Variants in CNTNAP2 observed in about 807,000 individuals in gnomAD.
The protein encoded by CNTNAP2 is contactin associated protein 2.
A neutral mutation model predicts 155.2 loss-of-function variants in CNTNAP2; 98 were observed. The ratio of observed to expected loss-of-function variants is 0.63; its 90% confidence interval spans 0.54 to 0.75. The LOEUF (loss-of-function observed/expected upper bound fraction) is 0.75, where lower values mean the gene tolerates loss of function less well. CNTNAP2 is among the 30% of genes least tolerant of loss of function. The probability of loss-of-function intolerance (pLI) is 0.00; values close to 1 mark genes in which losing one functional copy is unlikely to be tolerated. For missense variants in CNTNAP2, 1,727 were observed against 1,688.1 expected (o/e 1.02, Z -0.40); for synonymous variants, 651 against 631.2 (o/e 1.03, Z -0.47).
At chr7:146,180,711 A>T (rs1798537525) in intron 1 of CNTNAP2, among the ~76,000 whole-genome samples, 1 of 152,152 alleles carries the variant, frequency 6.6e-6, no homozygotes, top group Admixed American at 6.6e-5. Flanking sequence ...ATACTAAATT[A>T]TTTAGGTTCA....
At chr7:147,103,034 T>G (rs140723242) in intron 4 of CNTNAP2, among the ~76,000 whole-genome samples, 7 of 152,336 alleles carry the variant, frequency 4.6e-5, no homozygotes, top group African/African-American at 1.7e-4. Context: ...TTCTTGAAAT[T>G]TCTTCCAATC....
intron 12 of CNTNAP2, among the ~76,000 whole-genome samples, chr7:147,570,163 C>T (rs1416138076): frequency 6.6e-6 from 1 of 151,940 alleles, no homozygotes; most frequent in Non-Finnish European, 1.5e-5. Flanking sequence ...ATTACACCTG[C>T]AAAATCTCTT....
intron 1 of CNTNAP2, among the ~76,000 whole-genome samples, chr7:146,304,766 G>C (rs1358196886): frequency 2.0e-5 from 3 of 151,898 alleles, no homozygotes; most frequent in Non-Finnish European, 4.4e-5. Context: ...TGCTCTTCTC[G>C]AGGAGTATCT....
intron 5 of CNTNAP2, among the ~76,000 whole-genome samples, chr7:147,114,469 A>G (rs1584852516): frequency 6.6e-6 from 1 of 152,190 alleles, no homozygotes; most frequent in African/African-American, 2.4e-5. Context: ...ATCTCTAAGA[A>G]CTTGCTTTAT....
chr7:148,058,055 G>A (rs996544458), intron 15 of CNTNAP2, among the ~76,000 whole-genome samples: 5 of 151,430 alleles, frequency 3.3e-5, no homozygotes, highest in Non-Finnish European at 7.4e-5. Flanking sequence ...ACAGAGTCAA[G>A]TTTATTGGTA....
At chr7:147,365,526 A>G (rs1796216585) in intron 9 of CNTNAP2, among the ~76,000 whole-genome samples, 1 of 151,016 alleles carries the variant, frequency 6.6e-6, no homozygotes, top group Non-Finnish European at 1.5e-5. Context: ...CTACTATTCT[A>G]TTTCCCCCAT....
At chr7:146,158,949 C>G (rs1798172764) in intron 1 of CNTNAP2, among the ~76,000 whole-genome samples, 1 of 152,064 alleles carries the variant, frequency 6.6e-6, no homozygotes, top group South Asian at 2.1e-4. Context: ...TCAGATTCAC[C>G]AAAGTTGAAA....
chr7:147,689,414 G>T (rs1023760326), intron 13 of CNTNAP2, among the ~76,000 whole-genome samples: 2 of 152,070 alleles, frequency 1.3e-5, no homozygotes, highest in African/African-American at 2.4e-5. Flanking sequence ...CTCCCAAAGT[G>T]CTGGGATTAC....
At chr7:146,919,040 A>G (rs1364711844) in intron 3 of CNTNAP2, among the ~76,000 whole-genome samples, 1 of 152,024 alleles carries the variant, frequency 6.6e-6, no homozygotes, top group East Asian at 1.9e-4. Context: ...CTGTGATTAT[A>G]TTTTATTTTT....
At chr7:148,027,794 G>A (rs904274537) in intron 15 of CNTNAP2, among the ~76,000 whole-genome samples, 1 of 152,120 alleles carries the variant, frequency 6.6e-6, no homozygotes, top group Non-Finnish European at 1.5e-5. Flanking sequence ...TGAAAGAGTT[G>A]ACTGCTTCAT....
chr7:148,350,205 G>A (rs1022008308), intron 21 of CNTNAP2, among the ~76,000 whole-genome samples: 14 of 151,334 alleles, frequency 9.3e-5, no homozygotes, highest in African/African-American at 3.2e-4. Context: ...GGATGTATTC[G>A]GTGTGGGGAA....
chr7:146,474,797 G>A (rs1796850224), intron 1 of CNTNAP2, among the ~76,000 whole-genome samples: 1 of 152,166 alleles, frequency 6.6e-6, no homozygotes, highest in Non-Finnish European at 1.5e-5. Context: ...TTTGAAGAAA[G>A]ATGTTGGCAT....
In CNTNAP2 at chr7:146,988,325, A is replaced by T. The variant is rs10248505; in HGVS notation, c.403-55582A>T. Among the ~76,000 whole-genome samples the T allele has an allele frequency of 1.3e-3, 202 of 152,238 alleles. 1 individual carries two copies. Among genetic ancestry groups the T allele is most frequent in the African/African-American group, 4.7e-3 (197 of 41,576 alleles). ...AAAATGGCTTTTGATAAGCACATTG[A>T]ATATAAAAACAGGGTATTTATATAT... On this transcript the variant is annotated intron_variant, in intron 3 of 23. Coordinates refer to ENST00000361727, the MANE Select transcript of CNTNAP2 (RefSeq NM_014141.6).
intron 14 of CNTNAP2, among the ~76,000 whole-genome samples, chr7:147,949,200 A>G (rs1800876871): frequency 6.6e-6 from 1 of 150,716 alleles, no homozygotes; most frequent in Non-Finnish European, 1.5e-5. Context: ...AACTCCGTCT[A>G]AAAAAAAAGA....
chr7:148,330,325 G>A (rs1391947766), intron 21 of CNTNAP2, among the ~76,000 whole-genome samples: 2 of 148,800 alleles, frequency 1.3e-5, no homozygotes, highest in Non-Finnish European at 3.0e-5. Context: ...GATGGATAGA[G>A]TGAACAGATG....
intron 1 of CNTNAP2, among the ~76,000 whole-genome samples, chr7:146,457,192 C>T (rs1421991801): frequency 1.3e-5 from 2 of 148,632 alleles, no homozygotes; most frequent in African/African-American, 5.1e-5. Flanking sequence ...AAAGATAATT[C>T]TGCAGTCACA....
intron 11 of CNTNAP2, among the ~76,000 whole-genome samples, chr7:147,540,602 G>A (rs141676366): frequency 3.3e-5 from 5 of 152,264 alleles, no homozygotes; most frequent in African/African-American, 1.2e-4. Context: ...GGGAAACAAG[G>A]AGGGCAGATC....
At chr7:147,409,673 G>A (rs1797069713) in intron 10 of CNTNAP2, among the ~76,000 whole-genome samples, 3 of 151,854 alleles carry the variant, frequency 2.0e-5, no homozygotes, top group African/African-American at 7.3e-5. Flanking sequence ...CTAATATCCA[G>A]CATCTAATAG....
rs561173818 is a variant in CNTNAP2, at chr7:147,999,706, C to T, written c.2383+21717C>T. 1.1e-4 allele frequency among the ~76,000 whole-genome samples: 16 copies of T among 152,182 alleles called. No individual in the cohort carries two copies. The East Asian group carries it at 2.1e-3, about 20-fold the overall frequency. The stretch of plus-strand genomic sequence containing the variant: ...TGGGGTGGGCCCTAACCCTATATGA[C>T]CGGTGCCTTATAAGAAGAGAAAGCG... On this transcript the variant is annotated intron_variant, in intron 15 of 23. Transcript: ENST00000361727.
Sources: allele counts gnomAD v4.1 joint callset (sites outside exome capture counted in the v4.1 genomes callset), GRCh38; gene constraint gnomAD v4.1.1; transcripts MANE v1.5; gene names NCBI Gene and HGNC (gene_info 2026-07-23, HGNC 2026-07-21).